Variants in PDLIM2 observed in about 807,000 individuals in gnomAD.
PDLIM2 encodes PDZ and LIM domain protein 2.
In PDLIM2, 51 loss-of-function variants were observed where a neutral mutation model predicts 54.1. The observed-to-expected ratio is 0.94, with a 90% confidence interval of 0.75 to 1.19. The LOEUF (loss-of-function observed/expected upper bound fraction) is 1.19. Among genes scored for constraint, PDLIM2 ranks in the 50% most tolerant of loss-of-function variants. PDLIM2 has a pLI of 0.00. For synonymous variants in PDLIM2, 398 were observed against 385.6 expected, an observed-to-expected ratio of 1.03 and a Z score of -0.38; for missense variants, 912 against 874.0, an observed-to-expected ratio of 1.04 and a Z score of -0.55.
At chr8:22,593,437 T>A in intron 9 of PDLIM2, 2 of 351,972 alleles carry the variant, frequency 5.7e-6, no homozygotes, top group South Asian at 6.2e-5. Flanking sequence ...CTTAGCCAGG[T>A]GTGGTCGCAC....
intron 1 of PDLIM2, chr8:22,579,738 C>T (rs573389790): frequency 3.7e-5 from 18 of 485,132 alleles, no homozygotes; most frequent in African/African-American, 3.2e-4. Flanking sequence ...CCTGGCACCG[C>T]GGCTTCCTGC....
chr8:22,581,523 C>A, exon 3 of PDLIM2: 1 of 1,580,414 alleles, frequency 6.3e-7, no homozygotes, highest in South Asian at 1.2e-5. Context: ...GCGGCTGCAG[C>A]TGGACCGGTA....
At chr8:22,594,171 G>T in exon 10 of PDLIM2, 7 of 1,415,232 alleles carry the variant, frequency 4.9e-6, no homozygotes, top group Non-Finnish European at 6.4e-6. Flanking sequence ...CAACCTTTGT[G>T]TGCGAGGGTC....
At chr8:22,589,698 C>T (rs1586927256) in exon 8 of PDLIM2, 1 of 1,572,384 alleles carries the variant, frequency 6.4e-7, no homozygotes, top group Admixed American at 1.8e-5. Flanking sequence ...GACAGTCCAG[C>T]TCCTTTCGGC....
At position 22,584,802 on chromosome 8, in the gene PDLIM2, C is replaced by T; in HGVS notation, c.996-19C>T. Reference sequence around the variant, plus strand: ...GTGCAGGGCCCCTGTGACATTCCCTCCCTCTGTTGCCTTCTCAGGTCTCAG... The same window carrying T: ...GTGCAGGGCCCCTGTGACATTCCCTTCCTCTGTTGCCTTCTCAGGTCTCAG... On this transcript the variant is annotated intron_variant, in intron 3 of 9. Coordinates refer to ENST00000308354, the Ensembl canonical transcript of PDLIM2. 2 of 1,613,368 alleles carry T rather than the reference C, an allele frequency of 1.2e-6. No homozygotes were observed. Among genetic ancestry groups the T allele is most frequent in the Non-Finnish European group, 1.7e-6 (2 of 1,179,338 alleles).
chr8:22,591,302 C>CG, intron 8 of PDLIM2: 1 of 567,484 alleles, frequency 1.8e-6, no homozygotes. Flanking sequence ...TCACCTGACA[C>CG]TGAGCACAGA....
At chr8:22,578,912 G>A in exon 1 of PDLIM2, 2 of 1,237,658 alleles carry the variant, frequency 1.6e-6, no homozygotes, top group Admixed American at 4.2e-5. Context: ...GCTTGCGGGC[G>A]CTCCGGGGAG....
exon 1 of PDLIM2, chr8:22,579,474 G>T (rs1464834129): frequency 6.6e-7 from 1 of 1,514,300 alleles, no homozygotes; most frequent in Admixed American, 2.0e-5. Context: ...GGGCCATCGG[G>T]CTGGGCACCT....
At chr8:22,593,385 T>C (rs570733633) in intron 9 of PDLIM2, 30 of 211,488 alleles carry the variant, frequency 1.4e-4, no homozygotes, top group African/African-American at 7.0e-4. Context: ...AAGACCGTCC[T>C]GGCTAACACG....
At chr8:22,589,729 G>A (rs1331286661) in exon 8 of PDLIM2, 4 of 1,567,378 alleles carry the variant, frequency 2.6e-6, no homozygotes, top group Non-Finnish European at 3.5e-6. Flanking sequence ...AGCCCTGGAG[G>A]CTGAGGAGAG....
intron 2 of PDLIM2, chr8:22,581,068 C>T (rs1586918417): frequency 3.0e-6 from 2 of 668,532 alleles, no homozygotes; most frequent in East Asian, 3.0e-5. Flanking sequence ...GTGCAGGCAG[C>T]CACCTGCAAG....
At chr8:22,589,220 C>A in intron 6 of PDLIM2, 78 bp from the exon 6 acceptor site, 1 of 1,472,520 alleles carries the variant, frequency 6.8e-7, no homozygotes, top group Middle Eastern at 2.4e-4. Flanking sequence ...GGCCTGGGAA[C>A]AGCCGGGCTA....
exon 3 of PDLIM2, chr8:22,581,406 G>T: frequency 6.2e-7 from 1 of 1,606,770 alleles, no homozygotes. Flanking sequence ...AGCCAAGGAC[G>T]CTGACCTCCG....
chr8:22,587,063 T>C (rs1382286427), intron 6 of PDLIM2, among the ~76,000 whole-genome samples: 2 of 152,200 alleles, frequency 1.3e-5, no homozygotes, highest in African/African-American at 2.4e-5. Context: ...GCTCATTCCT[T>C]CGGCAAATAT....
intron 3 of PDLIM2, among the ~76,000 whole-genome samples, chr8:22,582,452 G>C (rs910152776): frequency 6.6e-6 from 1 of 152,120 alleles, no homozygotes; most frequent in African/African-American, 2.4e-5. Flanking sequence ...CAGCGGAAGG[G>C]CAGGAGCCTC....
chr8:22,594,515 A>T, downstream of PDLIM2: 4 of 1,613,908 alleles, frequency 2.5e-6, no homozygotes, highest in Non-Finnish European at 3.4e-6. Flanking sequence ...TTTTGTAAAG[A>T]TGCCCGTTTT....
exon 1 of PDLIM2, chr8:22,579,031 C>T: frequency 2.4e-6 from 3 of 1,241,170 alleles, no homozygotes; most frequent in Non-Finnish European, 3.0e-6. Flanking sequence ...GGGCTCGCCG[C>T]GCGGAGGCGG....
chr8:22,589,930 G>A (rs1485880132), intron 8 of PDLIM2, 189 bp downstream of exon 7: 2 of 580,988 alleles, frequency 3.4e-6, no homozygotes, highest in East Asian at 6.3e-5. Context: ...GGAGGGTCCG[G>A]GAGGGTCACC....
chr8:22,590,999 G>A (rs1475152139), intron 8 of PDLIM2: 1 of 160,880 alleles, frequency 6.2e-6, no homozygotes, highest in Non-Finnish European at 1.4e-5. Context: ...GGGGTGAGAA[G>A]GTTTGGAGCA....
Sources: allele counts gnomAD v4.1 joint callset (sites outside exome capture counted in the v4.1 genomes callset), GRCh38; gene constraint gnomAD v4.1.1; transcripts MANE v1.5; gene names NCBI Gene and HGNC (gene_info 2026-07-23, HGNC 2026-07-21).